PDE10A: variants seen among roughly 807,000 people sequenced by gnomAD.
The protein encoded by PDE10A is phosphodiesterase 10A.
PDE10A carries 39 observed loss-of-function variants against 97.7 expected under a neutral mutation model. The ratio of observed to expected loss-of-function variants is 0.40; its 90% confidence interval spans 0.31 to 0.52. The LOEUF (loss-of-function observed/expected upper bound fraction) is 0.52, where lower values mean the gene tolerates loss of function less well. Among genes scored for constraint, PDE10A ranks in the 20% least tolerant of loss-of-function variants. The pLI is 0.56. For missense variants in PDE10A, 731 were observed against 1,047.8 expected, an observed-to-expected ratio of 0.70 and a Z score of 4.17; for synonymous variants, 371 against 376.8, an observed-to-expected ratio of 0.98 and a Z score of 0.18.
At chr6:165,916,900 C>T (rs1446332731) in intron 1 of PDE10A, among the ~76,000 whole-genome samples, 1 of 152,128 alleles carries the variant, frequency 6.6e-6, no homozygotes, top group East Asian at 1.9e-4. Flanking sequence ...CCATACATAG[C>T]AGGCTCTCCC....
intron 1 of PDE10A, among the ~76,000 whole-genome samples, chr6:165,904,277 G>T (rs1252220709): frequency 6.6e-6 from 1 of 152,166 alleles, no homozygotes; most frequent in Non-Finnish European, 1.5e-5. Context: ...GTCTGTGTTG[G>T]GGTGAGGCCA....
chr6:165,867,368 T>C (rs2128477807), intron 1 of PDE10A, among the ~76,000 whole-genome samples: 1 of 149,380 alleles, frequency 6.7e-6, no homozygotes, highest in Admixed American at 6.6e-5. Context: ...CTTGCAGGAG[T>C]AGCAAAACTT....
intron 2 of PDE10A, among the ~76,000 whole-genome samples, chr6:165,486,985 G>A (rs758677891): frequency 2.0e-5 from 3 of 152,150 alleles, no homozygotes; most frequent in Admixed American, 6.5e-5. Context: ...TCTTTCCCAC[G>A]GCTGACACGT....
At chr6:165,501,197 C>A (rs1173782666) in intron 2 of PDE10A, among the ~76,000 whole-genome samples, 1 of 152,112 alleles carries the variant, frequency 6.6e-6, no homozygotes, top group Admixed American at 6.5e-5. Context: ...GTCTCTCATC[C>A]CACCTGACAA....
intron 1 of PDE10A, among the ~76,000 whole-genome samples, chr6:165,928,445 C>A (rs572214207): frequency 6.6e-6 from 1 of 152,300 alleles, no homozygotes; most frequent in Admixed American, 6.5e-5. Flanking sequence ...CAGGTCAGCA[C>A]GTGCTCAGAC....
chr6:165,610,931 T>G (rs1295398093), intron 1 of PDE10A, among the ~76,000 whole-genome samples: 1 of 152,088 alleles, frequency 6.6e-6, no homozygotes, highest in Non-Finnish European at 1.5e-5. Flanking sequence ...CTCTCTTCTC[T>G]ATAAAATAAG....
At chr6:165,725,627 A>T (rs1243654391) in intron 1 of PDE10A, among the ~76,000 whole-genome samples, 1 of 131,762 alleles carries the variant, frequency 7.6e-6, no homozygotes, top group East Asian at 2.2e-4. Context: ...AACTGGATGT[A>T]CTGAACCTGT....
Position 165,336,146 on chromosome 6 carries a change from C to T in PDE10A, c.3042G>A (p.Thr1014=), listed in dbSNP as rs377355629. The change falls in exon 21 of 22, where the codon ACG becomes ACA. Residue 1014 remains threonine (T), a synonymous_variant. Transcript: ENST00000539869. ...YTTLTQILPP[T]EPLLKACRDN... is the part of the protein sequence containing the mutation. Reference sequence around the variant, plus strand: ...ACCTGCATGCTTTCAGAAGAGGCTCCGTGGGAGGGAGGATCTGGGTAAGGG... The same window carrying T: ...ACCTGCATGCTTTCAGAAGAGGCTCTGTGGGAGGGAGGATCTGGGTAAGGG... 3.9e-5 allele frequency: 63 copies of T among 1,613,388 alleles called. No homozygotes were observed. The highest frequency in any genetic ancestry group is 1.6e-4 in the Middle Eastern group (1 of 6,082).
intron 1 of PDE10A, among the ~76,000 whole-genome samples, chr6:165,783,783 C>T (rs1421202818): frequency 1.3e-5 from 2 of 152,134 alleles, no homozygotes; most frequent in Admixed American, 1.3e-4. Flanking sequence ...ACCATTCATC[C>T]CAGAGAAGAG....
intron 2 of PDE10A, among the ~76,000 whole-genome samples, chr6:165,482,908 T>C (rs1779689546): frequency 6.6e-6 from 1 of 152,154 alleles, no homozygotes; most frequent in Non-Finnish European, 1.5e-5. Flanking sequence ...CATTGGTGAT[T>C]GGTAAAGTGA....
Position 165,837,716 on chromosome 6 carries a change from C to T in PDE10A, c.-615+149813G>A, listed in dbSNP as rs540341965. On this transcript the variant is annotated intron_variant, in intron 1 of 19. Coordinates refer to the PDE10A transcript ENST00000366882. ...AGGAGGCGGTGGGAGAACAGAGTCT[C>T]ACTCCGTCGCCCAGGCTGGAGTGCA... Among the ~76,000 whole-genome samples, 25 of 135,352 alleles carry T rather than the reference C, an allele frequency of 1.8e-4. No individual in the cohort carries two copies. In the Admixed American group the frequency reaches 1.9e-3, roughly 10 times the overall value. 88.8% of individuals were successfully genotyped at this position (135,352 alleles called of 152,430 possible). A position where few individuals can be genotyped will look rare whatever the true frequency, so the allele number is the denominator to read the frequency against.
chr6:165,717,640 T>C (rs1041219858), intron 1 of PDE10A, among the ~76,000 whole-genome samples: 5 of 152,310 alleles, frequency 3.3e-5, no homozygotes, highest in Middle Eastern at 3.4e-3. Flanking sequence ...TTCTTTTGAG[T>C]ATATATCCAG....
intron 3 of PDE10A, among the ~76,000 whole-genome samples, chr6:165,476,260 T>C (rs1366937198): frequency 6.6e-6 from 1 of 151,894 alleles, no homozygotes. Context: ...ACGGAAGATA[T>C]GCAAAATGAA....
At chr6:165,929,958 C>T (rs1381314434) in intron 1 of PDE10A, among the ~76,000 whole-genome samples, 1 of 152,026 alleles carries the variant, frequency 6.6e-6, no homozygotes, top group East Asian at 1.9e-4. Context: ...CCCTAATGAC[C>T]AGGCAACATC....
intron 1 of PDE10A, among the ~76,000 whole-genome samples, chr6:165,591,819 T>C (rs574961223): frequency 6.6e-6 from 1 of 152,306 alleles, no homozygotes; most frequent in African/African-American, 2.4e-5. Flanking sequence ...AACTTAAAAC[T>C]CCATAAAGCT....
chr6:165,466,986 T>C (rs1442582913), intron 3 of PDE10A, among the ~76,000 whole-genome samples: 1 of 152,148 alleles, frequency 6.6e-6, no homozygotes, highest in African/African-American at 2.4e-5. Context: ...AAAGAACATA[T>C]GAATAATAAG....
At chr6:165,804,636 G>A (rs1237278407) in intron 1 of PDE10A, among the ~76,000 whole-genome samples, 1 of 152,140 alleles carries the variant, frequency 6.6e-6, no homozygotes, top group Admixed American at 6.5e-5. Flanking sequence ...CTGGAAACCC[G>A]GGGGCCTTGG....
chr6:165,630,944 C>T (rs1360958274), intron 1 of PDE10A, among the ~76,000 whole-genome samples: 1 of 152,210 alleles, frequency 6.6e-6, no homozygotes, highest in East Asian at 1.9e-4. Flanking sequence ...AAGGCCAAAG[C>T]TCTGCCTGGC....
At chr6:165,870,379 G>A (rs1262676793) in intron 1 of PDE10A, among the ~76,000 whole-genome samples, 3 of 152,126 alleles carry the variant, frequency 2.0e-5, no homozygotes, top group Admixed American at 1.3e-4. Context: ...TTGTGGAAAA[G>A]CAAATCAAAA....
Sources: gnomAD v4.1 joint callset for allele counts (sites outside exome capture counted in the v4.1 genomes callset) on GRCh38, gnomAD v4.1.1 for gene constraint, MANE v1.5 for transcripts, NCBI Gene and HGNC (gene_info 2026-07-23, HGNC 2026-07-21) for gene names.